The following PRKCQ variants were observed in gnomAD, a reference collection of about 807,000 sequenced individuals.
The protein encoded by PRKCQ is protein kinase C theta.
A neutral mutation model predicts 91.2 loss-of-function variants in PRKCQ; 41 were observed. The ratio of observed to expected loss-of-function variants is 0.45; its 90% CI spans 0.35 to 0.58. The LOEUF (loss-of-function observed/expected upper bound fraction) is 0.58. PRKCQ is among the 20% of genes least tolerant of loss of function. The pLI, the probability that PRKCQ is intolerant of heterozygous loss-of-function variation, is 0.00. For missense variants in PRKCQ, 673 were observed against 896.5 expected, an observed-to-expected ratio of 0.75 and a Z score of 3.18; for synonymous variants, 307 against 316.9, an observed-to-expected ratio of 0.97 and a Z score of 0.33.
At chr10:6,513,576 A>C (rs1156319150) in intron 2 of PRKCQ, among the ~76,000 whole-genome samples, 1 of 152,194 alleles carries the variant, frequency 6.6e-6, no homozygotes, top group Non-Finnish European at 1.5e-5. Flanking sequence ...TTTACACTTC[A>C]AAGATGTCTG....
chr10:6,543,183 T>G (rs1839831803), intron 1 of PRKCQ, among the ~76,000 whole-genome samples: 1 of 152,222 alleles, frequency 6.6e-6, no homozygotes, highest in South Asian at 2.1e-4. Context: ...CAGCAGTTCC[T>G]GTATTTCTGT....
At chr10:6,445,306 A>T (rs925109587) in intron 15 of PRKCQ, among the ~76,000 whole-genome samples, 1 of 152,046 alleles carries the variant, frequency 6.6e-6, no homozygotes, top group Non-Finnish European at 1.5e-5. Context: ...AGTGAGGCCC[A>T]GGGGTGCTGT....
At chr10:6,454,977 C>T (rs970744882) in intron 15 of PRKCQ, among the ~76,000 whole-genome samples, 86 of 152,206 alleles carry the variant, frequency 5.7e-4, no homozygotes, top group African/African-American at 1.9e-3. Flanking sequence ...GGAAAAGACC[C>T]GGCACCCAAA....
At chr10:6,571,122 A>G (rs1841029957) in intron 1 of PRKCQ, among the ~76,000 whole-genome samples, 1 of 151,952 alleles carries the variant, frequency 6.6e-6, no homozygotes, top group South Asian at 2.1e-4. Flanking sequence ...TCCTAGATGG[A>G]GTGGGAAGTC....
chr10:6,454,271 T>A (rs1378342815), intron 15 of PRKCQ, among the ~76,000 whole-genome samples: 1 of 152,122 alleles, frequency 6.6e-6, no homozygotes, highest in Non-Finnish European at 1.5e-5. Flanking sequence ...GTAAAGAGCA[T>A]GCCCTGGTGA....
intron 7 of PRKCQ, among the ~76,000 whole-genome samples, chr10:6,492,253 A>G (rs2130804950): frequency 6.6e-6 from 1 of 152,100 alleles, no homozygotes; most frequent in African/African-American, 2.4e-5. Context: ...AAAAAAAAAA[A>G]AAATGCCTTC....
At chr10:6,489,522 C>G (rs372533687) in intron 8 of PRKCQ, 1 of 506,630 alleles carries the variant, frequency 2.0e-6, no homozygotes, top group Non-Finnish European at 4.1e-6. Context: ...CTTAAGACGA[C>G]GGCCTGCAAG....
the PRKCQ span, among the ~76,000 whole-genome samples, chr10:6,408,782 C>G: frequency 6.6e-6 from 1 of 152,212 alleles, no homozygotes; most frequent in Non-Finnish European, 1.5e-5. Flanking sequence ...TATTTATCCA[C>G]TCAAACGTTT....
At chr10:6,501,073 A>G (rs1837884851) in intron 4 of PRKCQ, among the ~76,000 whole-genome samples, 1 of 152,206 alleles carries the variant, frequency 6.6e-6, no homozygotes, top group South Asian at 2.1e-4. Context: ...AAAGAAATGA[A>G]GTTTTCAGCA....
intron 1 of PRKCQ, among the ~76,000 whole-genome samples, chr10:6,556,996 C>G (rs1382133491): frequency 6.6e-6 from 1 of 152,184 alleles, no homozygotes; most frequent in African/African-American, 2.4e-5. Flanking sequence ...TGATCCTAAC[C>G]CTGTACACAC....
intron 9 of PRKCQ, 56 bp downstream of exon 9, chr10:6,485,979 T>C: frequency 2.8e-6 from 4 of 1,447,388 alleles, no homozygotes; most frequent in South Asian, 2.3e-5. Flanking sequence ...CAGAAGTGCA[T>C]GGACATCCTT....
At chr10:6,481,111 A>G (rs1836574363) in intron 11 of PRKCQ, among the ~76,000 whole-genome samples, 1 of 152,162 alleles carries the variant, frequency 6.6e-6, no homozygotes, top group South Asian at 2.1e-4. Context: ...CTCTCCGTGT[A>G]TAGGGACCCA....
chr10:6,428,148 C>G lies in PRKCQ; in HGVS notation c.*59G>C. ...GTTGAAAAAGGAACCCAAGCAGTGT[C>G]TCTTGAACCAGTTCCCAGGGAGAAG... On this transcript the variant is annotated 3_prime_UTR_variant, in exon 18 of 18. Coordinates refer to ENST00000263125, the MANE Select transcript of PRKCQ (RefSeq NM_006257.5). 6.2e-7 allele frequency: 1 copy of G among 1,603,606 alleles called. No homozygotes were observed. Among genetic ancestry groups the G allele is most frequent in the Non-Finnish European group, 8.5e-7 (1 of 1,171,736 alleles).
At chr10:6,515,496 G>A in intron 1 of PRKCQ, 1 of 985,326 alleles carries the variant, frequency 1.0e-6, no homozygotes, top group Non-Finnish European at 1.2e-6. Flanking sequence ...ATTCAAGTAG[G>A]TGCCCAGGAA....
intron 1 of PRKCQ, among the ~76,000 whole-genome samples, chr10:6,543,732 A>G (rs758999566): frequency 1.3e-5 from 2 of 152,192 alleles, no homozygotes; most frequent in Non-Finnish European, 2.9e-5. Context: ...GCTGAACTGC[A>G]AGTGCTGGAA....
At chr10:6,399,550 GGA>G in the PRKCQ span, among the ~76,000 whole-genome samples, 2 of 151,796 alleles carry the variant, frequency 1.3e-5, no homozygotes, top group South Asian at 4.2e-4. Flanking sequence ...TAGCCACCCT[GGA>G]GTTTTGCCAG....
At chr10:6,537,883 G>A (rs575327525) in intron 1 of PRKCQ, among the ~76,000 whole-genome samples, 106 of 152,238 alleles carry the variant, frequency 7.0e-4, no homozygotes, top group African/African-American at 2.2e-3. Flanking sequence ...CTTCCACAGC[G>A]CCCCCCTTCC....
chr10:6,529,790 G>A (rs1839326035), intron 1 of PRKCQ, among the ~76,000 whole-genome samples: 2 of 152,154 alleles, frequency 1.3e-5, no homozygotes, highest in Admixed American at 1.3e-4. Flanking sequence ...CTTCATCAGG[G>A]TCTATGAAGG....
At chr10:6,504,814 AT>A (rs1311095336) in intron 4 of PRKCQ, among the ~76,000 whole-genome samples, 2 of 152,084 alleles carry the variant, frequency 1.3e-5, no homozygotes, top group Non-Finnish European at 2.9e-5. Context: ...TTAAAATTAG[AT>A]TTTTTTGACA....
Sources: allele counts gnomAD v4.1 joint callset (sites outside exome capture counted in the v4.1 genomes callset), GRCh38; gene constraint gnomAD v4.1.1; transcripts MANE v1.5; gene names NCBI Gene and HGNC (gene_info 2026-07-23, HGNC 2026-07-21).